EFTUD2: variants seen among roughly 807,000 people sequenced by gnomAD.
EFTUD2 encodes 116 kDa U5 small nuclear ribonucleoprotein component.
In EFTUD2, 9 loss-of-function variants were observed where a neutral mutation model predicts 114.3. The ratio of observed to expected loss-of-function variants is 0.08; its 90% CI spans 0.05 to 0.14. The LOEUF (loss-of-function observed/expected upper bound fraction) is 0.14, where lower values mean the gene tolerates loss of function less well. EFTUD2 is among the 10% of genes least tolerant of loss of function. EFTUD2 has a pLI of 1.00. For synonymous variants in EFTUD2, 449 were observed against 462.3 expected, an observed-to-expected ratio of 0.97 and a Z score of 0.37; for missense variants, 765 against 1,241.2, an observed-to-expected ratio of 0.62 and a Z score of 5.76.
At chr17:44,898,275 C>T (rs1169827298) in intron 1 of EFTUD2, among the ~76,000 whole-genome samples, 1 of 152,030 alleles carries the variant, frequency 6.6e-6, no homozygotes, top group Non-Finnish European at 1.5e-5. Context: ...TGGAGTACAA[C>T]GGCACGATCT....
intron 10 of EFTUD2, among the ~76,000 whole-genome samples, chr17:44,874,371 C>T (rs956259437): frequency 3.3e-5 from 5 of 152,086 alleles, no homozygotes; most frequent in African/African-American, 7.2e-5. Flanking sequence ...TTTGTCATTT[C>T]ATCCTTTGGA....
At chr17:44,855,488 A>C (rs2050533069) in intron 20 of EFTUD2, among the ~76,000 whole-genome samples, 2 of 152,008 alleles carry the variant, frequency 1.3e-5, no homozygotes, top group South Asian at 4.1e-4. Flanking sequence ...GAATCACTTG[A>C]ACCCAGAAGG....
At chr17:44,886,808 C>G in intron 2 of EFTUD2, 58 bp from the exon 3 acceptor site, 1 of 1,554,440 alleles carries the variant, frequency 6.4e-7, no homozygotes, top group East Asian at 2.4e-5. Context: ...TGTTTGATAT[C>G]TGACTACCTC....
intron 18 of EFTUD2, 152 bp from the exon 19 acceptor site, chr17:44,859,333 G>T: frequency 1.5e-6 from 1 of 657,460 alleles, no homozygotes; most frequent in Non-Finnish European, 2.8e-6. Context: ...GTTCAGTGAG[G>T]AGCATCTGCC....
intron 2 of EFTUD2, among the ~76,000 whole-genome samples, chr17:44,890,170 ATT>A (rs1193583338): frequency 1.2e-5 from 1 of 82,202 alleles, no homozygotes; most frequent in Non-Finnish European, 2.8e-5. Flanking sequence ...CGCCCAGCTA[ATT>A]TTTGTATTTT....
At position 44,853,776 on chromosome 17, in the gene EFTUD2, G is replaced by A. The variant is rs373872098; in HGVS notation, c.2348-141C>T. 113 of 1,480,304 alleles carry A rather than the reference G, an allele frequency of 7.6e-5. No individual in the cohort carries two copies. In the African/African-American group the frequency reaches 1.1e-3, roughly 15 times the overall value. 91.7% of individuals were successfully genotyped at this position (1,480,304 alleles called of 1,614,324 possible). Reference sequence around the variant, plus strand: ...TACAGAAATCAAATGGGAGGTGGGCGTTCTAACTGAATAAGCAAGGCCCAT... The same window carrying A: ...TACAGAAATCAAATGGGAGGTGGGCATTCTAACTGAATAAGCAAGGCCCAT... On this transcript the variant is annotated intron_variant, in intron 23 of 27. Transcript: ENST00000426333.
At chr17:44,883,920 A>C (rs1246243996) in intron 4 of EFTUD2, 196 bp from the exon 5 acceptor site, 1 of 596,546 alleles carries the variant, frequency 1.7e-6, no homozygotes, top group African/African-American at 1.9e-5. Flanking sequence ...GAGGTAACAC[A>C]ATCTGTGAAT....
chr17:44,870,908 C>T (rs1467766485), intron 11 of EFTUD2, among the ~76,000 whole-genome samples: 2 of 152,026 alleles, frequency 1.3e-5, no homozygotes, highest in Non-Finnish European at 2.9e-5. Context: ...ATCCCAGCTA[C>T]TCAGGAGGCT....
chr17:44,876,252 G>A, intron 9 of EFTUD2, 152 bp from the exon 10 acceptor site: 2 of 888,000 alleles, frequency 2.3e-6, no homozygotes, highest in Admixed American at 2.9e-5. Context: ...AGAGCATCCT[G>A]CCCGAAGATA....
intron 20 of EFTUD2, among the ~76,000 whole-genome samples, chr17:44,855,792 T>C (rs543691076): frequency 6.6e-6 from 1 of 150,828 alleles, no homozygotes; most frequent in South Asian, 2.1e-4. Flanking sequence ...CTACTAAAAA[T>C]ACAAAAATTA....
At chr17:44,873,586 A>T (rs1379205139) in intron 10 of EFTUD2, among the ~76,000 whole-genome samples, 1 of 152,008 alleles carries the variant, frequency 6.6e-6, no homozygotes, top group Non-Finnish European at 1.5e-5. Context: ...TCTTGGGCTC[A>T]AGCAATATCC....
chr17:44,870,448 A>C (rs1291306506), intron 11 of EFTUD2, among the ~76,000 whole-genome samples: 1 of 152,252 alleles, frequency 6.6e-6, no homozygotes, highest in African/African-American at 2.4e-5. Flanking sequence ...TCAATGGCCC[A>C]ATGCTGTGTG....
At chr17:44,860,829 GC>G (rs1211636751) in intron 16 of EFTUD2, among the ~76,000 whole-genome samples, 1 of 151,950 alleles carries the variant, frequency 6.6e-6, no homozygotes, top group Non-Finnish European at 1.5e-5. Context: ...GAACTCCTGA[GC>G]TCAAGCAATC....
intron 1 of EFTUD2, among the ~76,000 whole-genome samples, chr17:44,895,209 T>A (rs1051251832): frequency 6.6e-6 from 1 of 152,248 alleles, no homozygotes; most frequent in African/African-American, 2.4e-5. Flanking sequence ...AAAGTTTCAT[T>A]GGGAGGCCGG....
At chr17:44,865,193 C>A in intron 13 of EFTUD2, 128 bp from the exon 14 acceptor site, 1 of 1,362,744 alleles carries the variant, frequency 7.3e-7, no homozygotes, top group Admixed American at 2.8e-5. Context: ...GGAGACAAAG[C>A]TCTTGGCAAG....
intron 19 of EFTUD2, among the ~76,000 whole-genome samples, chr17:44,858,336 A>G (rs9902052): frequency 6.6e-6 from 1 of 152,178 alleles, no homozygotes; most frequent in Non-Finnish European, 1.5e-5. Flanking sequence ...GCTGGGCTCA[A>G]GCAATCCTCC....
At position 44,886,706 on chromosome 17, in the gene EFTUD2, A is replaced by T; in HGVS notation, c.150T>A (p.Asp50Glu). 6.2e-7 allele frequency: 1 copy of T among 1,614,182 alleles called. No individual in the cohort carries two copies. ...GCACCACCTCCATCCCAGGGTGGTCATCGTCATGATCTCCTACGTCATCGT... is the reference window on the plus strand; with the variant it reads ...GCACCACCTCCATCCCAGGGTGGTCTTCGTCATGATCTCCTACGTCATCGT... ...DDDDDVGDHD[D>E]DHPGMEVVLH... Residue 50 changes from aspartate to glutamate, a missense_variant, in exon 3 of 28, where the codon GAT becomes GAA. Transcript: ENST00000426333.
At chr17:44,898,215 T>G (rs573105435) in intron 1 of EFTUD2, among the ~76,000 whole-genome samples, 1 of 152,302 alleles carries the variant, frequency 6.6e-6, no homozygotes, top group African/African-American at 2.4e-5. Context: ...AATTATTTAT[T>G]TATTTTATAT....
At chr17:44,884,429 G>C (rs1318791300) in intron 4 of EFTUD2, among the ~76,000 whole-genome samples, 2 of 150,114 alleles carry the variant, frequency 1.3e-5, no homozygotes, top group Non-Finnish European at 3.0e-5. Context: ...TGAGGCGGGA[G>C]AATCACTTGA....
Sources: allele counts gnomAD v4.1 joint callset (sites outside exome capture counted in the v4.1 genomes callset), GRCh38; gene constraint gnomAD v4.1.1; transcripts MANE v1.5; gene names NCBI Gene and HGNC (gene_info 2026-07-23, HGNC 2026-07-21).